Variants in NR3C2 observed in about 807,000 individuals in gnomAD.
NR3C2 encodes mineralocorticoid receptor.
In NR3C2, 15 loss-of-function variants were observed where a neutral mutation model predicts 86.4. The observed-to-expected ratio is 0.17, with a 90% CI of 0.12 to 0.27. The LOEUF (loss-of-function observed/expected upper bound fraction) is 0.27. NR3C2 is among the 10% of genes least tolerant of loss of function. NR3C2 has a pLI of 1.00. For synonymous variants in NR3C2, 458 were observed against 450.5 expected, an observed-to-expected ratio of 1.02 and a Z score of -0.21; for missense variants, 960 against 1,195.6, an observed-to-expected ratio of 0.80 and a Z score of 2.91.
chr4:148,176,596 G>GC, intron 4 of NR3C2, among the ~76,000 whole-genome samples: 1 of 152,148 alleles, frequency 6.6e-6, no homozygotes, highest in Non-Finnish European at 1.5e-5. Flanking sequence ...GGGGATTTGG[G>GC]CCATTATCAA....
chr4:148,187,378 A>G (rs184691234), intron 4 of NR3C2, among the ~76,000 whole-genome samples: 1 of 151,628 alleles, frequency 6.6e-6, no homozygotes, highest in African/African-American at 2.4e-5. Context: ...CTGTTTTTTT[A>G]TTTTTTGATT....
intron 2 of NR3C2, among the ~76,000 whole-genome samples, chr4:148,361,988 C>T (rs1162516022): frequency 1.3e-5 from 2 of 152,160 alleles, no homozygotes; most frequent in African/African-American, 2.4e-5. Context: ...CAGGTGCACA[C>T]CACCATGCCC....
chr4:148,363,835 C>T (rs983705109), intron 2 of NR3C2, among the ~76,000 whole-genome samples: 1 of 152,124 alleles, frequency 6.6e-6, no homozygotes, highest in African/African-American at 2.4e-5. Context: ...CAAGTCTCAC[C>T]TATCACTTCA....
intron 6 of NR3C2, among the ~76,000 whole-genome samples, chr4:148,145,301 G>A (rs938631149): frequency 3.3e-5 from 5 of 152,164 alleles, no homozygotes; most frequent in Admixed American, 6.5e-5. Flanking sequence ...TGCTCCCTCC[G>A]AAATGCTGGC....
At chr4:148,392,914 A>C (rs1347703434) in intron 2 of NR3C2, among the ~76,000 whole-genome samples, 2 of 152,194 alleles carry the variant, frequency 1.3e-5, no homozygotes, top group East Asian at 1.9e-4. Context: ...TAATGTTCAC[A>C]GTTCTCTTCC....
At chr4:148,241,637 T>C (rs1278875979) in intron 3 of NR3C2, among the ~76,000 whole-genome samples, 1 of 152,148 alleles carries the variant, frequency 6.6e-6, no homozygotes, top group Non-Finnish European at 1.5e-5. Context: ...ACCTGCGCCA[T>C]CGGATCATCT....
intron 2 of NR3C2, among the ~76,000 whole-genome samples, chr4:148,393,782 C>T (rs1009157718): frequency 6.6e-5 from 10 of 152,120 alleles, no homozygotes; most frequent in Non-Finnish European, 1.3e-4. Flanking sequence ...TCTAGAAAAT[C>T]AACATTATTG....
intron 3 of NR3C2, among the ~76,000 whole-genome samples, chr4:148,250,069 G>A (rs1006460840): frequency 3.9e-5 from 6 of 152,100 alleles, no homozygotes; most frequent in Non-Finnish European, 5.9e-5. Context: ...GAACAGTGCC[G>A]AGTGTCTAAG....
At chr4:148,404,704 A>G (rs1271809684) in intron 2 of NR3C2, among the ~76,000 whole-genome samples, 1 of 152,198 alleles carries the variant, frequency 6.6e-6, no homozygotes, top group Non-Finnish European at 1.5e-5. Flanking sequence ...TTAAAACATA[A>G]TATCAAAGCA....
rs182170433 is a variant in NR3C2 at position 148,238,098 on chromosome 4, T to C, written c.1897+21880A>G. Among the ~76,000 whole-genome samples the C allele has an allele frequency of 1.9e-3, 282 of 152,316 alleles. 1 individual carries two copies. The highest frequency in any genetic ancestry group is 6.6e-3 in the African/African-American group (276 of 41,578). On this transcript the variant is annotated intron_variant, in intron 3 of 8. Transcript: ENST00000358102. ...TACTATTTTATATTTTTATTTAAAATTAGCAACTCTATTTGCAAAAGTATC... is the reference window on the plus strand; with the variant it reads ...TACTATTTTATATTTTTATTTAAAACTAGCAACTCTATTTGCAAAAGTATC...
chr4:148,168,654 A>G (rs572178141), intron 4 of NR3C2, among the ~76,000 whole-genome samples: 1 of 152,352 alleles, frequency 6.6e-6, no homozygotes, highest in African/African-American at 2.4e-5. Flanking sequence ...GGGGAAGGCT[A>G]AAAACCTCTC....
chr4:148,336,328 C>A (rs1256763523), intron 2 of NR3C2, among the ~76,000 whole-genome samples: 1 of 152,190 alleles, frequency 6.6e-6, no homozygotes, highest in Non-Finnish European at 1.5e-5. Flanking sequence ...GAGCCCCGAG[C>A]TCCAGAGGTC....
intron 2 of NR3C2, among the ~76,000 whole-genome samples, chr4:148,299,396 C>T (rs1041791364): frequency 3.9e-5 from 6 of 152,240 alleles, no homozygotes; most frequent in African/African-American, 9.6e-5. Context: ...GAAATGTCGG[C>T]CTTGGTCCAA....
upstream of NR3C2, among the ~76,000 whole-genome samples, chr4:148,443,494 C>T (rs531224475): frequency 5.9e-5 from 9 of 152,292 alleles, no homozygotes; most frequent in Non-Finnish European, 1.0e-4. Flanking sequence ...GATCGGTTGT[C>T]TGCATGAAGA....
At chr4:148,360,106 ACATAAAAGGGATATCCTAAGC>A in intron 2 of NR3C2, among the ~76,000 whole-genome samples, 1 of 152,282 alleles carries the variant, frequency 6.6e-6, no homozygotes, top group South Asian at 2.1e-4. Context: ...AAGTACAAAA[ACATAAAAGGGATATCCTAAGC>A]CATTTAGAAA....
At chr4:148,343,016 C>A (rs1744823628) in intron 2 of NR3C2, among the ~76,000 whole-genome samples, 1 of 152,104 alleles carries the variant, frequency 6.6e-6, no homozygotes, top group Non-Finnish European at 1.5e-5. Flanking sequence ...AAAAATATAA[C>A]CCATTTTGGA....
intron 3 of NR3C2, among the ~76,000 whole-genome samples, chr4:148,217,571 A>G (rs900916860): frequency 2.6e-5 from 4 of 152,148 alleles, no homozygotes; most frequent in African/African-American, 9.7e-5. Context: ...GTCTCATCCT[A>G]CCAATGGAGG....
chr4:148,289,826 A>G (rs1741713508), intron 2 of NR3C2, among the ~76,000 whole-genome samples: 1 of 152,054 alleles, frequency 6.6e-6, no homozygotes, highest in African/African-American at 2.4e-5. Context: ...GCGAGGGAAC[A>G]TGTCACATGC....
intron 3 of NR3C2, among the ~76,000 whole-genome samples, chr4:148,241,306 A>C (rs1450787869): frequency 1.8e-5 from 1 of 55,228 alleles, no homozygotes; most frequent in East Asian, 4.8e-4. Context: ...ACTCTGTCTC[A>C]AAAAAAAAAA....
Sources: gnomAD v4.1 joint callset for allele counts (sites outside exome capture counted in the v4.1 genomes callset) on GRCh38, gnomAD v4.1.1 for gene constraint, MANE v1.5 for transcripts, NCBI Gene and HGNC (gene_info 2026-07-23, HGNC 2026-07-21) for gene names.